PLS1: variants seen among roughly 807,000 people sequenced by gnomAD.
PLS1 encodes the protein plastin-1.
In PLS1, 32 loss-of-function variants were observed where a neutral mutation model predicts 73.7. The ratio of observed to expected loss-of-function variants is 0.43; its 90% CI spans 0.33 to 0.58. The LOEUF is 0.58. Among genes scored for constraint, PLS1 ranks in the 20% least tolerant of loss-of-function variants. PLS1 has a pLI of 0.04. For missense variants in PLS1, 633 were observed against 740.5 expected (o/e 0.85, Z 1.68); for synonymous variants, 217 against 261.3 (o/e 0.83, Z 1.63).
chr3:142,599,800 G>C (rs1354415891), intron 1 of PLS1, among the ~76,000 whole-genome samples: 1 of 152,018 alleles, frequency 6.6e-6, no homozygotes, highest in Non-Finnish European at 1.5e-5. Flanking sequence ...TGTCACCCAG[G>C]CTGGAGTGCA....
chr3:142,633,155 A>G (rs1013057682), intron 1 of PLS1, among the ~76,000 whole-genome samples: 1 of 152,210 alleles, frequency 6.6e-6, no homozygotes, highest in Non-Finnish European at 1.5e-5. Context: ...GTATGATTCC[A>G]CTCATGTGAA....
At chr3:142,709,431 T>C (rs1314707661) in intron 14 of PLS1, among the ~76,000 whole-genome samples, 1 of 152,128 alleles carries the variant, frequency 6.6e-6, no homozygotes, top group Non-Finnish European at 1.5e-5. Context: ...AAATGAACAT[T>C]ACCCCTGGCC....
intron 1 of PLS1, among the ~76,000 whole-genome samples, chr3:142,653,840 CA>C (rs1304213627): frequency 6.6e-6 from 1 of 152,070 alleles, no homozygotes; most frequent in Admixed American, 6.6e-5. Flanking sequence ...GTACTATTTA[CA>C]AAAAATCAGT....
At chr3:142,601,071 C>G (rs1165035977) in intron 1 of PLS1, among the ~76,000 whole-genome samples, 2 of 146,728 alleles carry the variant, frequency 1.4e-5, no homozygotes, top group East Asian at 4.0e-4. Context: ...CTACAGGCAC[C>G]CGCCACCACG....
intron 1 of PLS1, among the ~76,000 whole-genome samples, chr3:142,599,399 G>A (rs1175205607): frequency 6.9e-6 from 1 of 144,124 alleles, no homozygotes; most frequent in Non-Finnish European, 1.5e-5. Flanking sequence ...GCGCAATCTC[G>A]GCTCACTGCA....
chr3:142,694,246 G>C (rs1312711238), intron 10 of PLS1, among the ~76,000 whole-genome samples: 1 of 152,072 alleles, frequency 6.6e-6, no homozygotes, highest in Non-Finnish European at 1.5e-5. Flanking sequence ...ACATCAAAGG[G>C]AATCTAGAAG....
At chr3:142,601,673 C>T (rs760267288) in intron 1 of PLS1, among the ~76,000 whole-genome samples, 1 of 151,878 alleles carries the variant, frequency 6.6e-6, no homozygotes, top group Non-Finnish European at 1.5e-5. Context: ...ACCAACGTGC[C>T]CGGCTTATTA....
chr3:142,647,055 A>C (rs1452421741), intron 1 of PLS1, among the ~76,000 whole-genome samples: 1 of 152,164 alleles, frequency 6.6e-6, no homozygotes, highest in Non-Finnish European at 1.5e-5. Context: ...TAAGTTGGCC[A>C]ATGTTGGCCT....
At chr3:142,656,489 CAGT>C (rs1416777867) in intron 1 of PLS1, 2 of 152,126 alleles carry the variant, frequency 1.3e-5, no homozygotes, top group Non-Finnish European at 2.9e-5. Flanking sequence ...ATTCAACAGT[CAGT>C]AGACATTCCA....
In PLS1 at chr3:142,684,033, G is replaced by A; in HGVS notation, c.607G>A (p.Ala203Thr). ...AAATTTAAACCTAGCTCTGAATTCT[G>A]CCTCAGCCATTGGTTGTACAGTGGT... ...SENLNLALNS[A>T]SAIGCTVVNI... The change falls in exon 7 of 16, where the codon GCC becomes ACC. Residue 203 changes from alanine to threonine, a missense_variant. Coordinates refer to ENST00000457734, the MANE Select transcript of PLS1 (RefSeq NM_001145319.2). The A allele has an allele frequency of 2.5e-6, 4 of 1,609,488 alleles. No homozygotes were observed. The highest frequency in any genetic ancestry group is 3.4e-6 in the Non-Finnish European group (4 of 1,178,586).
At chr3:142,599,252 G>A (rs1339828060) in intron 1 of PLS1, among the ~76,000 whole-genome samples, 1 of 151,220 alleles carries the variant, frequency 6.6e-6, no homozygotes, top group Non-Finnish European at 1.5e-5. Context: ...GGGCATTTAG[G>A]ATCTTAGAGC....
intron 2 of PLS1, 46 bp downstream of exon 2, chr3:142,664,353 G>A: frequency 1.0e-6 from 1 of 975,850 alleles, no homozygotes; most frequent in Non-Finnish European, 1.6e-6. Flanking sequence ...TCTGCTTGAT[G>A]TCAGACTTCA....
intron 6 of PLS1, among the ~76,000 whole-genome samples, chr3:142,681,920 A>G (rs2037865022): frequency 6.6e-6 from 1 of 152,250 alleles, no homozygotes; most frequent in Non-Finnish European, 1.5e-5. Flanking sequence ...GACATTTGAT[A>G]TGCTTGTAAA....
intron 1 of PLS1, among the ~76,000 whole-genome samples, chr3:142,620,269 C>A (rs2036290669): frequency 6.6e-6 from 1 of 152,106 alleles, no homozygotes; most frequent in African/African-American, 2.4e-5. Flanking sequence ...GGATTACAGG[C>A]ACCTGCCACC....
intron 14 of PLS1, among the ~76,000 whole-genome samples, chr3:142,709,163 A>G (rs1932986586): frequency 6.6e-6 from 1 of 152,246 alleles, no homozygotes; most frequent in Non-Finnish European, 1.5e-5. Context: ...GTACACATTT[A>G]GAGTCATCTA....
chr3:142,621,998 C>A (rs1359146058), intron 1 of PLS1, among the ~76,000 whole-genome samples: 3 of 152,190 alleles, frequency 2.0e-5, no homozygotes, highest in Non-Finnish European at 4.4e-5. Context: ...AGCCTGTGTG[C>A]CTCCAAAATT....
chr3:142,694,016 T>C (rs1216860295), intron 10 of PLS1, among the ~76,000 whole-genome samples: 1 of 151,936 alleles, frequency 6.6e-6, no homozygotes, highest in African/African-American at 2.4e-5. Context: ...GAAACTTTCC[T>C]ATGTAAAACC....
intron 1 of PLS1, among the ~76,000 whole-genome samples, chr3:142,616,309 T>C (rs2036215669): frequency 6.6e-6 from 1 of 152,158 alleles, no homozygotes; most frequent in Non-Finnish European, 1.5e-5. Context: ...TTTTCTACCT[T>C]TTCTATAAAG....
chr3:142,622,066 C>A (rs2036326084), intron 1 of PLS1, among the ~76,000 whole-genome samples: 1 of 152,156 alleles, frequency 6.6e-6, no homozygotes, highest in Non-Finnish European at 1.5e-5. Context: ...CTCACTGTTG[C>A]AGTCCGGGTT....
Sources: gnomAD v4.1 joint callset for allele counts (sites outside exome capture counted in the v4.1 genomes callset) on GRCh38, gnomAD v4.1.1 for gene constraint, MANE v1.5 for transcripts, NCBI Gene and HGNC (gene_info 2026-07-23, HGNC 2026-07-21) for gene names.